CD3G: variants seen among roughly 807,000 people sequenced by gnomAD.
The protein encoded by CD3G is CD3 gamma subunit of T-cell receptor complex.
A neutral mutation model predicts 28.3 loss-of-function variants in CD3G; 24 were observed. The observed-to-expected ratio is 0.85, with a 90% CI of 0.61 to 1.19. CD3G has a LOEUF of 1.19. Ranked by LOEUF, CD3G falls within the 50% of genes most tolerant of loss-of-function variation. CD3G has a pLI of 0.00. For missense variants in CD3G, 211 were observed against 210.0 expected, an observed-to-expected ratio of 1.00 and a Z score of -0.03; for synonymous variants, 71 against 75.9, an observed-to-expected ratio of 0.93 and a Z score of 0.34.
chr11:118,352,215 CAA>C (rs564372344), intron 5 of CD3G, among the ~76,000 whole-genome samples, 187 bp from the exon 6 acceptor site: 6 of 133,318 alleles, frequency 4.5e-5, no homozygotes, highest in Admixed American at 7.7e-5. Context: ...GACTCCGTCT[CAA>C]AAAAAAAAAA....
chr11:118,353,622 C>T lies in CD3G; in HGVS notation c.*522C>T, dbSNP rs1948428131. The stretch of plus-strand genomic sequence containing the variant: ...CTCGGCTCACTGCAACCTCTGCCTC[C>T]TGGGTTCAAGCGATTCTCCTGCCTC... On this transcript the variant is annotated 3_prime_UTR_variant, in exon 7 of 7. Coordinates refer to ENST00000532917, the MANE Select transcript of CD3G (RefSeq NM_000073.3). 6.7e-6 allele frequency: 1 copy of T among 149,166 alleles called. No homozygotes were observed. The highest frequency in any genetic ancestry group is 6.8e-5 in the Admixed American group (1 of 14,754). The allele number at this position is 149,166 out of a possible 1,614,324, so 9.2% of individuals were successfully genotyped here. A position where few individuals can be genotyped will look rare whatever the true frequency, so the allele number is the denominator to read the frequency against.
chr11:118,350,109 CTT>C, intron 3 of CD3G, 139 bp downstream of exon 3: 1 of 723,118 alleles, frequency 1.4e-6, no homozygotes, highest in South Asian at 1.5e-5. Context: ...CAGCTTGCCT[CTT>C]TTAAAATACT....
Position 118,353,103 on chromosome 11 carries a change from A to G in CD3G, c.*19-16A>G, listed in dbSNP as rs1342323373. 6.4e-6 allele frequency: 1 copy of G among 156,378 alleles called. No individual in the cohort carries two copies. Among genetic ancestry groups the G allele is most frequent in the African/African-American group, 2.4e-5 (1 of 41,446 alleles). 9.7% of individuals were successfully genotyped at this position (156,378 alleles called of 1,614,324 possible). A position where few individuals can be genotyped will look rare whatever the true frequency, so the allele number is the denominator to read the frequency against. On this transcript the variant is annotated splice_polypyrimidine_tract_variant and intron_variant, in intron 6 of 6. Coordinates refer to ENST00000532917, the MANE Select transcript of CD3G (RefSeq NM_000073.3). ...ATTTGTTTTTTTTGAACAAATTGCA[A>G]TTTTTCTTTTTTCAGTCCAGGTGTT...
intron 4 of CD3G, 79 bp downstream of exon 4, chr11:118,350,762 A>G: frequency 1.2e-6 from 2 of 1,609,112 alleles, no homozygotes; most frequent in Non-Finnish European, 1.7e-6. Flanking sequence ...ACCCAATGGA[A>G]GAGACTGAGT....
chr11:118,347,658 T>C (rs1167474377), intron 1 of CD3G, among the ~76,000 whole-genome samples: 2 of 152,180 alleles, frequency 1.3e-5, no homozygotes, highest in Admixed American at 6.5e-5. Context: ...TTGAGACAGC[T>C]TTAACACCTA....
chr11:118,351,104 C>T (rs890479547), intron 4 of CD3G, among the ~76,000 whole-genome samples: 2 of 146,136 alleles, frequency 1.4e-5, no homozygotes, highest in African/African-American at 5.1e-5. Context: ...AGGAGAATGG[C>T]ATGAACCCGG....
At position 118,352,395 on chromosome 11, in the gene CD3G, C is replaced by A; in HGVS notation, c.484-9C>A. The A allele has an allele frequency of 6.2e-7, 1 of 1,612,452 alleles. No individual in the cohort carries two copies. Among genetic ancestry groups the A allele is most frequent in the Non-Finnish European group, 8.5e-7 (1 of 1,178,474 alleles). On this transcript the variant is annotated splice_polypyrimidine_tract_variant and intron_variant, in intron 5 of 6. Transcript: ENST00000532917. Reference sequence around the variant, plus strand: ...AAAAAATGACTTATGACTGTGCTGTCCTTTCCAGCCCCTCAAGGATCGAGA... The same window carrying A: ...AAAAAATGACTTATGACTGTGCTGTACTTTCCAGCCCCTCAAGGATCGAGA...
chr11:118,352,691 A>G (rs1020728096), intron 6 of CD3G, among the ~76,000 whole-genome samples: 9 of 152,324 alleles, frequency 5.9e-5, no homozygotes, highest in East Asian at 1.9e-4. Flanking sequence ...AATTTTATGT[A>G]TCTGTAAATC....
Position 118,353,881 on chromosome 11 carries a change from A to G in CD3G, c.*781A>G, listed in dbSNP as rs1286973388. On this transcript the variant is annotated 3_prime_UTR_variant, in exon 7 of 7. Transcript: ENST00000532917. ...TCTGGAGGTATTCTAGGCATATATG[A>G]GCACATTCTCAAGTACATATTATCC... is the stretch of plus-strand genomic sequence containing the variant. 1 of 152,144 alleles carries G rather than the reference A, an allele frequency of 6.6e-6. No homozygotes were observed. The highest frequency in any genetic ancestry group is 1.5e-5 in the Non-Finnish European group (1 of 68,038). The allele number at this position is 152,144 out of a possible 1,614,324, so 9.4% of individuals were successfully genotyped here.
intron 2 of CD3G, chr11:118,349,365 C>T: frequency 8.7e-7 from 1 of 1,151,490 alleles, no homozygotes; most frequent in Non-Finnish European, 1.2e-6. Context: ...CTCTGTCAAT[C>T]CTTCTCTTTA....
chr11:118,346,752 G>T (rs1269947445), intron 1 of CD3G, among the ~76,000 whole-genome samples: 1 of 149,134 alleles, frequency 6.7e-6, no homozygotes, highest in Non-Finnish European at 1.5e-5. Flanking sequence ...GCTTGAGGCT[G>T]CAGTGAGCCA....
At chr11:118,350,482 A>C in intron 3 of CD3G, 70 bp from the exon 4 acceptor site, 1 of 1,085,562 alleles carries the variant, frequency 9.2e-7, no homozygotes, top group Non-Finnish European at 1.4e-6. Context: ...TATTGCAGAC[A>C]GGCAGGAGAA....
At chr11:118,345,155 G>A (rs1948343919) in intron 1 of CD3G, among the ~76,000 whole-genome samples, 1 of 152,056 alleles carries the variant, frequency 6.6e-6, no homozygotes, top group African/African-American at 2.4e-5. Context: ...TGAGGAAGAG[G>A]GAGCTGAAGA....
rs916865440 is a variant in CD3G, at chr11:118,353,948, A to G, written c.*848A>G. ...TTAGACAAATGATATCAAACTATAC[A>G]TCTTGTGAGATTATTGCATACCATT... On this transcript the variant is annotated 3_prime_UTR_variant, in exon 7 of 7. Transcript: ENST00000532917. 1 of 152,140 alleles carries G rather than the reference A, an allele frequency of 6.6e-6. No homozygotes were observed. Among genetic ancestry groups the G allele is most frequent in the African/African-American group, 2.4e-5 (1 of 41,430 alleles). The allele number at this position is 152,140 out of a possible 1,614,324, so 9.4% of individuals were successfully genotyped here.
In CD3G at chr11:118,350,621, TTTTCGTCC is replaced by T; in HGVS notation, c.380_387del (p.Phe127CysfsTer28). On this transcript the variant is annotated frameshift_variant, in exon 4 of 7. Transcript: ENST00000532917. LOFTEE classifies it high-confidence loss of function. ...TTTCTCTTTGCTGAAATCGTCAGCA[TTTTCGTCC>T]TTGCTGTTGGGGTCTACTTCATTGC... is the stretch of plus-strand genomic sequence containing the variant. The T allele has an allele frequency of 1.2e-6, 2 of 1,613,974 alleles. No homozygotes were observed. Among genetic ancestry groups the T allele is most frequent in the Non-Finnish European group, 1.7e-6 (2 of 1,179,960 alleles).
intron 5 of CD3G, among the ~76,000 whole-genome samples, chr11:118,352,058 C>CA (rs1200465055): frequency 7.3e-5 from 11 of 151,512 alleles, no homozygotes; most frequent in Admixed American, 5.3e-4. Flanking sequence ...ACTAAAAATA[C>CA]AAAAAAAATT....
intron 1 of CD3G, among the ~76,000 whole-genome samples, chr11:118,347,388 G>A (rs1948366665): frequency 6.6e-6 from 1 of 152,012 alleles, no homozygotes; most frequent in South Asian, 2.1e-4. Flanking sequence ...AAAAGATAAT[G>A]TATACATTCT....
At chr11:118,351,513 C>A in intron 4 of CD3G, 115 bp from the exon 5 acceptor site, 1 of 917,986 alleles carries the variant, frequency 1.1e-6, no homozygotes, top group Non-Finnish European at 1.8e-6. Flanking sequence ...TGTGCTTTAT[C>A]CATACTCTTG....
chr11:118,354,834 G>C lies in CD3G; in HGVS notation c.*1734G>C, dbSNP rs1262297719. ...TATTTGTTTGTCTTCTTACTATTGG[G>C]TTGCATATGTTTTTGATATAAGTCC... On this transcript the variant is annotated 3_prime_UTR_variant, in exon 7 of 7. Coordinates refer to ENST00000532917, the MANE Select transcript of CD3G (RefSeq NM_000073.3). 6.6e-6 allele frequency: 1 copy of C among 152,002 alleles called. No individual in the cohort carries two copies. Among genetic ancestry groups the C allele is most frequent in the Middle Eastern group, 3.2e-3 (1 of 316 alleles). The allele number at this position is 152,002 out of a possible 1,614,324, so 9.4% of individuals were successfully genotyped here.
Sources: gnomAD v4.1 joint callset for allele counts (sites outside exome capture counted in the v4.1 genomes callset) on GRCh38, gnomAD v4.1.1 for gene constraint, MANE v1.5 for transcripts, NCBI Gene and HGNC (gene_info 2026-07-23, HGNC 2026-07-21) for gene names.